SCEL: variants seen among roughly 807,000 people sequenced by gnomAD.
SCEL encodes sciellin.
SCEL carries 113 observed loss-of-function variants against 117.6 expected under a neutral mutation model. The observed-to-expected ratio is 0.96, with a 90% confidence interval of 0.83 to 1.12. SCEL has a LOEUF of 1.12. SCEL is among the 50% of genes most tolerant of loss of function. The probability of loss-of-function intolerance (pLI) is 0.00; values close to 1 mark genes in which losing one functional copy is unlikely to be tolerated. For synonymous variants in SCEL, 270 were observed against 256.2 expected (o/e 1.05, Z -0.51); for missense variants, 785 against 810.8 (o/e 0.97, Z 0.39).
At chr13:77,559,945 TATTTGCAG>T in intron 4 of SCEL, 82 bp downstream of exon 4, 3 of 1,176,016 alleles carry the variant, frequency 2.6e-6, no homozygotes, top group Non-Finnish European at 3.8e-6. Context: ...GACAGCTGAA[TATTTGCAG>T]CATGCCTTGG....
rs373560219 is a variant in SCEL, at chr13:77,556,663, A to C, written c.111A>C (p.Arg37Ser). The change falls in exon 3 of 33, where the codon AGA becomes AGC. Residue 37 changes from arginine to serine, a missense_variant. By Grantham distance (110) the Arg-to-Ser change is moderately radical. Coordinates refer to ENST00000349847, the MANE Select transcript of SCEL (RefSeq NM_144777.3). ...QQDFHEVNKR[R>S]TFLQDNSWIK... ...ATTTTCACGAGGTGAACAAAAGAAG[A>C]ACTTTCTTACAGGATAACAGTTGGA... 8 of 1,614,002 alleles carry C rather than the reference A, an allele frequency of 5.0e-6. No individual in the cohort carries two copies. The East Asian group carries it at 1.6e-4, about 31-fold the overall frequency.
chr13:77,611,085 A>C (rs1176713268), intron 22 of SCEL, among the ~76,000 whole-genome samples: 1 of 152,208 alleles, frequency 6.6e-6, no homozygotes, highest in Non-Finnish European at 1.5e-5. Flanking sequence ...TGTGGCTATC[A>C]AACAGAGCTT....
At chr13:77,569,489 A>C in intron 8 of SCEL, 38 bp downstream of exon 8, 1 of 1,448,080 alleles carries the variant, frequency 6.9e-7, no homozygotes, top group Non-Finnish European at 9.7e-7. Flanking sequence ...TTGCTGATAC[A>C]CTATGAAAGA....
At chr13:77,599,779 T>C in intron 15 of SCEL, 31 bp downstream of exon 15, 1 of 1,469,286 alleles carries the variant, frequency 6.8e-7, no homozygotes. Context: ...ACCATTTTGA[T>C]TGAGTCCCAG....
At chr13:77,618,205 C>A in intron 27 of SCEL, 145 bp downstream of exon 27, 2 of 689,776 alleles carry the variant, frequency 2.9e-6, no homozygotes, top group Non-Finnish European at 5.2e-6. Flanking sequence ...TTCCTTCCTT[C>A]CATTTCATTC....
chr13:77,543,124 C>G (rs2083802628), intron 1 of SCEL, among the ~76,000 whole-genome samples: 1 of 138,700 alleles, frequency 7.2e-6, no homozygotes, highest in Non-Finnish European at 1.5e-5. Context: ...CGCTCTGTTG[C>G]CCAGGCTGGA....
intron 31 of SCEL, among the ~76,000 whole-genome samples, chr13:77,641,049 A>C (rs924446485): frequency 1.3e-5 from 2 of 152,154 alleles, no homozygotes; most frequent in Non-Finnish European, 2.9e-5. Flanking sequence ...GGGAAAAAAA[A>C]CCCACTTGTT....
intron 9 of SCEL, among the ~76,000 whole-genome samples, chr13:77,578,120 C>T (rs1343652479): frequency 1.3e-5 from 2 of 152,092 alleles, no homozygotes; most frequent in African/African-American, 2.4e-5. Flanking sequence ...TGTCATGGAC[C>T]TCTTTGTATT....
chr13:77,593,295 T>C (rs1886036), intron 11 of SCEL, among the ~76,000 whole-genome samples: 64,796 of 136,786 alleles, frequency 0.47, 16,399 homozygotes, highest in Middle Eastern at 0.61. Context: ...TGTGTGTGTG[T>C]GTCTGTGTGT....
At chr13:77,606,128 G>A (rs141628554) in intron 19 of SCEL, among the ~76,000 whole-genome samples, 1 of 152,180 alleles carries the variant, frequency 6.6e-6, no homozygotes, top group Admixed American at 6.5e-5. Flanking sequence ...ATGTCTACAT[G>A]TATGTGTCTA....
intron 4 of SCEL, among the ~76,000 whole-genome samples, chr13:77,561,351 G>T (rs2084966824): frequency 6.6e-6 from 1 of 152,168 alleles, no homozygotes; most frequent in Admixed American, 6.6e-5. Flanking sequence ...TTCGTTTCCT[G>T]AACCCTTCCT....
intron 11 of SCEL, among the ~76,000 whole-genome samples, chr13:77,593,295 T>TGTGTGTGTGTGTGCGCGCGCGC (rs796907419): frequency 2.2e-5 from 3 of 136,886 alleles, no homozygotes; most frequent in African/African-American, 8.4e-5. Context: ...TGTGTGTGTG[T>TGTGTGTGTGTGTGCGCGCGCGC]GTCTGTGTGT....
intron 1 of SCEL, among the ~76,000 whole-genome samples, chr13:77,537,082 G>A (rs2083452844): frequency 6.6e-6 from 1 of 152,156 alleles, no homozygotes; most frequent in South Asian, 2.1e-4. Flanking sequence ...ATCAATTTGA[G>A]AAAACTGAGA....
At chr13:77,607,548 T>C (rs1233525563) in intron 19 of SCEL, among the ~76,000 whole-genome samples, 1 of 152,210 alleles carries the variant, frequency 6.6e-6, no homozygotes, top group African/African-American at 2.4e-5. Flanking sequence ...TATCATAGAT[T>C]TTTAACAAAT....
intron 1 of SCEL, among the ~76,000 whole-genome samples, chr13:77,549,436 G>A (rs1195841986): frequency 6.6e-6 from 1 of 152,276 alleles, no homozygotes; most frequent in South Asian, 2.1e-4. Flanking sequence ...TTTTGGTAAC[G>A]TGGTAGAATA....
chr13:77,616,010 G>C (rs1159251159), intron 24 of SCEL, among the ~76,000 whole-genome samples: 9 of 137,540 alleles, frequency 6.5e-5, no homozygotes, highest in Middle Eastern at 3.5e-3. Context: ...CTCTCTGTGT[G>C]TGTGTGTGTG....
At chr13:77,594,584 G>C (rs10507870) in intron 12 of SCEL, among the ~76,000 whole-genome samples, 20,255 of 152,148 alleles carry the variant, frequency 0.13, 1,425 homozygotes, top group Non-Finnish European at 0.15. Flanking sequence ...TTTTATAAGA[G>C]CGAATCATAC....
At chr13:77,599,785 C>T (rs1267584890) in intron 15 of SCEL, 37 bp downstream of exon 15, 1 of 1,412,858 alleles carries the variant, frequency 7.1e-7, no homozygotes, top group East Asian at 2.3e-5. Flanking sequence ...TTGATTGAGT[C>T]CCAGATGGTG....
chr13:77,543,144 C>T (rs1241957322), intron 1 of SCEL, among the ~76,000 whole-genome samples: 2 of 138,558 alleles, frequency 1.4e-5, no homozygotes, highest in South Asian at 2.2e-4. Context: ...AGTGCAGTGG[C>T]GGGATCTCGG....
Sources: gnomAD v4.1 joint callset for allele counts (sites outside exome capture counted in the v4.1 genomes callset) on GRCh38, gnomAD v4.1.1 for gene constraint, MANE v1.5 for transcripts, NCBI Gene and HGNC (gene_info 2026-07-23, HGNC 2026-07-21) for gene names.